The following OR4D9 variants were observed in gnomAD, a reference collection of about 807,000 sequenced individuals.
OR4D9 encodes olfactory receptor 4D9.
In OR4D9, 2 loss-of-function variants were observed where a neutral mutation model predicts 0.8. That is an observed-to-expected ratio of 2.58 (90% CI 1.06 to 8.13). The LOEUF is 8.13. OR4D9 is among the 30% of genes most tolerant of loss of function. The pLI, the probability that OR4D9 is intolerant of heterozygous loss-of-function variation, is 0.04. For missense variants in OR4D9, 399 were observed against 384.7 expected, an observed-to-expected ratio of 1.04 and a Z score of -0.31; for synonymous variants, 146 against 151.2, an observed-to-expected ratio of 0.97 and a Z score of 0.25.
At position 59,515,953 on chromosome 11, in the gene OR4D9, A is replaced by T. The variant is rs372827754; in HGVS notation, c.*96A>T. On this transcript the variant is annotated 3_prime_UTR_variant, in exon 3 of 3. Transcript: ENST00000641962. ...TCATGCCCAAAACAAAGAGATACCT[A>T]TGGCCACCATCGAGTCCTAAAAGAA... is the stretch of plus-strand genomic sequence containing the variant. 1.5e-5 allele frequency: 13 copies of T among 866,530 alleles called. 1 individual carries two copies. The highest frequency in any genetic ancestry group is 5.7e-5 in the Admixed American group (2 of 34,932). 53.7% of individuals were successfully genotyped at this position (866,530 alleles called of 1,614,324 possible).
chr11:59,515,837 GA>G lies in OR4D9; in HGVS notation c.928del (p.Arg310GlyfsTer3), dbSNP rs754147707. 19 of 1,611,822 alleles carry G rather than the reference GA, an allele frequency of 1.2e-5. No homozygotes were observed. The Admixed American group carries it at 2.3e-4, about 20-fold the overall frequency. ...RKLKRRLGQS[E>X]RILIQ Reference sequence around the variant, plus strand: ...ACTGAAGAGACGGCTAGGACAATCAGAAAGGATTTTAATTCAATAAGGGTAA... The same window carrying G: ...ACTGAAGAGACGGCTAGGACAATCAGAAGGATTTTAATTCAATAAGGGTAA... On this transcript the variant is annotated frameshift_variant, in exon 3 of 3. Transcript: ENST00000641962. LOFTEE classifies it high-confidence loss of function.
rs1384154257 is a variant in OR4D9, at chr11:59,515,607, G to A, written c.695G>A (p.Gly232Asp). The A allele has an allele frequency of 1.2e-6, 2 of 1,613,930 alleles. No individual in the cohort carries two copies. The highest frequency in any genetic ancestry group is 1.7e-6 in the Non-Finnish European group (2 of 1,180,022). The stretch of plus-strand genomic sequence containing the variant: ...ATGCTGAGGTCTCACACTGGGGAAG[G>A]CAGGAGGAAAGCCATCTCCACCTGC... ...LMMLRSHTGEGRRKAISTCTS... is the reference protein window; with the variant it reads ...LMMLRSHTGEDRRKAISTCTS... The change falls in exon 3 of 3, where the codon GGC becomes GAC. Residue 232 changes from glycine (G) to aspartate (D), a missense_variant. Transcript: ENST00000641962.
chr11:59,515,655 C>A lies in OR4D9; in HGVS notation c.743C>A (p.Thr248Asn). The change falls in exon 3 of 3, where the codon ACC (threonine) becomes AAC (asparagine). Residue 248 changes from threonine to asparagine, a missense_variant. Physicochemically the swap from Thr to Asn is moderately conservative, Grantham distance 65. Coordinates refer to ENST00000641962, the MANE Select transcript of OR4D9 (RefSeq NM_001004711.2). The stretch of plus-strand genomic sequence containing the variant: ...TGCACCTCCCACATCACCGTGGTGA[C>A]CCTGCATTTCGTGCCCTGCATCTAT... Reference protein sequence around the residue: ...STCTSHITVVTLHFVPCIYVY... With the variant: ...STCTSHITVVNLHFVPCIYVY... 6.2e-7 allele frequency: 1 copy of A among 1,614,154 alleles called. No homozygotes were observed. Among genetic ancestry groups the A allele is most frequent in the Non-Finnish European group, 8.5e-7 (1 of 1,180,026 alleles).
In OR4D9 at chr11:59,515,373, T is replaced by C. The variant is rs1565093904; in HGVS notation, c.461T>C (p.Val154Ala). 6.2e-7 allele frequency: 1 copy of C among 1,614,084 alleles called. No homozygotes were observed. The highest frequency in any genetic ancestry group is 2.2e-5 in the East Asian group (1 of 44,878). Residue 154 changes from valine to alanine, a missense_variant, in exon 3 of 3, where the codon GTC (valine) becomes GCC (alanine). Physicochemically the swap from Val to Ala is moderately conservative, Grantham distance 64. Transcript: ENST00000641962. The stretch of plus-strand genomic sequence containing the variant: ...GTGGCTTCCTGGGTGGGGGGCTTTG[T>C]CCACTCCATAGCGCAGATTTCTCTA... ...LIVASWVGGF[V>A]HSIAQISLLL...
chr11:59,515,465 C>T lies in OR4D9; in HGVS notation c.553C>T (p.Leu185Phe). 1.9e-6 allele frequency: 3 copies of T among 1,614,190 alleles called. No individual in the cohort carries two copies. The South Asian group carries it at 3.3e-5, about 18-fold the overall frequency. Reference protein sequence around the residue: ...DTFYCDVPQVLKLACTDTFTL... With the variant: ...DTFYCDVPQVFKLACTDTFTL... ...TTTCTACTGCGATGTCCCCCAGGTC[C>T]TCAAACTTGCCTGCACTGACACCTT... Residue 185 changes from leucine to phenylalanine, a missense_variant, in exon 3 of 3, where the codon CTC becomes TTC. Leu to Phe is a conservative substitution (Grantham distance 22). Coordinates refer to ENST00000641962, the MANE Select transcript of OR4D9 (RefSeq NM_001004711.2).
intron 1 of OR4D9, among the ~76,000 whole-genome samples, chr11:59,512,739 G>A (rs992999740): frequency 2.0e-5 from 3 of 151,830 alleles, no homozygotes; most frequent in African/African-American, 7.3e-5. Flanking sequence ...GGCTGAGGTG[G>A]GAGGATCAAT....
Position 59,515,269 on chromosome 11 carries a change from G to A in OR4D9, c.357G>A (p.Ala119=), listed in dbSNP as rs373390910. 48 of 1,612,500 alleles carry A rather than the reference G, an allele frequency of 3.0e-5. No homozygotes were observed. The highest frequency in any genetic ancestry group is 5.5e-5 in the South Asian group (5 of 90,886). ...ACGTTTTTTCTCTCTCTGTGATGGC[G>A]TTTGACCGCTATATAGCCATCTCCA... ...GADVFSLSVM[A]FDRYIAISKP... Residue 119 remains alanine (A), a synonymous_variant, in exon 3 of 3, where the codon GCG becomes GCA. Coordinates refer to ENST00000641962, the MANE Select transcript of OR4D9 (RefSeq NM_001004711.2).
In OR4D9 at chr11:59,516,018, C is replaced by T. The variant is rs968650491; in HGVS notation, c.*161C>T. 2 of 601,810 alleles carry T rather than the reference C, an allele frequency of 3.3e-6. No individual in the cohort carries two copies. Among genetic ancestry groups the T allele is most frequent in the African/African-American group, 3.7e-5 (2 of 53,902 alleles). 37.3% of individuals were successfully genotyped at this position (601,810 alleles called of 1,614,324 possible). A position where few individuals can be genotyped will look rare whatever the true frequency, so the allele number is the denominator to read the frequency against. On this transcript the variant is annotated 3_prime_UTR_variant, in exon 3 of 3. Transcript: ENST00000641962. ...TATGTTGGGGACCACGTGGATGATA[C>T]TGCTCTAAGACAAAATCCACTCAAG... is the stretch of plus-strand genomic sequence containing the variant.
chr11:59,515,841 G>A lies in OR4D9; in HGVS notation c.929G>A (p.Arg310Lys), dbSNP rs1859398739. 1 of 1,610,808 alleles carries A rather than the reference G, an allele frequency of 6.2e-7. No individual in the cohort carries two copies. Among genetic ancestry groups the A allele is most frequent in the Non-Finnish European group, 8.5e-7 (1 of 1,177,754 alleles). The change falls in exon 3 of 3, where the codon AGG (arginine) becomes AAG (lysine). Residue 310 changes from arginine (R) to lysine (K), a missense_variant. Transcript: ENST00000641962. ...AAGAGACGGCTAGGACAATCAGAAA[G>A]GATTTTAATTCAATAAGGGTAAGAT... ...KLKRRLGQSE[R>K]ILIQ is the part of the protein sequence containing the mutation.
At chr11:59,512,006 T>C (rs946314535) in intron 1 of OR4D9, among the ~76,000 whole-genome samples, 4 of 152,210 alleles carry the variant, frequency 2.6e-5, no homozygotes, top group Non-Finnish European at 5.9e-5. Context: ...TTGAGTAAGA[T>C]GTTTTAATGA....
chr11:59,520,225 C>A lies in OR4D9; in HGVS notation c.*4368C>A, dbSNP rs1244011975. 6.6e-6 allele frequency: 1 copy of A among 152,030 alleles called. No homozygotes were observed. The allele number at this position is 152,030 out of a possible 1,614,324, so 9.4% of individuals were successfully genotyped here. ...CCTGGGTGACAAAATCATTTGTACACCAAACCCCAGCAACACACAATTTAC... is the reference window on the plus strand; with the variant it reads ...CCTGGGTGACAAAATCATTTGTACAACAAACCCCAGCAACACACAATTTAC... On this transcript the variant is annotated 3_prime_UTR_variant, in exon 3 of 3. Coordinates refer to ENST00000641962, the MANE Select transcript of OR4D9 (RefSeq NM_001004711.2).
chr11:59,515,145 C>T lies in OR4D9; in HGVS notation c.233C>T (p.Ala78Val), dbSNP rs1565093699. 1.2e-6 allele frequency: 2 copies of T among 1,614,096 alleles called. No homozygotes were observed. Among genetic ancestry groups the T allele is most frequent in the South Asian group, 1.1e-5 (1 of 91,082 alleles). Residue 78 changes from alanine to valine, a missense_variant, in exon 3 of 3, where the codon GCT becomes GTT. Transcript: ENST00000641962. ...GACATCTGCTTTTCCTCCATCACAG[C>T]TCCTAAGGTCCTGATAGATCTTCTA... The part of the protein sequence containing the change: ...ILDICFSSIT[A>V]PKVLIDLLSE...
intron 1 of OR4D9, among the ~76,000 whole-genome samples, chr11:59,512,449 C>T (rs577014648): frequency 6.8e-6 from 1 of 146,334 alleles, no homozygotes; most frequent in African/African-American, 2.5e-5. Context: ...TGCACTCCAG[C>T]CTGGGCGACA....
In OR4D9 at chr11:59,517,458, G is replaced by A. The variant is rs925602907; in HGVS notation, c.*1601G>A. 2.0e-5 allele frequency: 3 copies of A among 152,144 alleles called. No individual in the cohort carries two copies. Among genetic ancestry groups the A allele is most frequent in the Admixed American group, 2.0e-4 (3 of 15,272 alleles). 9.4% of individuals were successfully genotyped at this position (152,144 alleles called of 1,614,324 possible). A position where few individuals can be genotyped will look rare whatever the true frequency, so the allele number is the denominator to read the frequency against. On this transcript the variant is annotated 3_prime_UTR_variant, in exon 3 of 3. Transcript: ENST00000641962. ...AAGCCCATGATTTCTGTTGAGGAGAGAGGATCCCCAATTCACTTCAAGGAC... is the reference window on the plus strand; with the variant it reads ...AAGCCCATGATTTCTGTTGAGGAGAAAGGATCCCCAATTCACTTCAAGGAC...
rs1859414595 is a variant in OR4D9, at chr11:59,517,044, G to T, written c.*1187G>T. On this transcript the variant is annotated 3_prime_UTR_variant, in exon 3 of 3. Coordinates refer to ENST00000641962, the MANE Select transcript of OR4D9 (RefSeq NM_001004711.2). ...AGATCACACCACTGTACTCCAGCCTGGGCAACAGAGCAAGACTCTGTCCAA... is the reference window on the plus strand; with the variant it reads ...AGATCACACCACTGTACTCCAGCCTTGGCAACAGAGCAAGACTCTGTCCAA... 6.6e-6 allele frequency: 1 copy of T among 151,944 alleles called. No individual in the cohort carries two copies. Among genetic ancestry groups the T allele is most frequent in the Admixed American group, 6.6e-5 (1 of 15,242 alleles). 9.4% of individuals were successfully genotyped at this position (151,944 alleles called of 1,614,324 possible).
In OR4D9 at chr11:59,518,647, A is replaced by C. The variant is rs2134589057; in HGVS notation, c.*2790A>C. Reference sequence around the variant, plus strand: ...AATGATCCCTCCACTTCAGCCTCCCAAAATGCTAGAATTACAGGCATGAGA... The same window carrying C: ...AATGATCCCTCCACTTCAGCCTCCCCAAATGCTAGAATTACAGGCATGAGA... On this transcript the variant is annotated 3_prime_UTR_variant, in exon 3 of 3. Transcript: ENST00000641962. The C allele has an allele frequency of 6.6e-6, 1 of 152,336 alleles. No homozygotes were observed. The highest frequency in any genetic ancestry group is 1.9e-4 in the East Asian group (1 of 5,188). 9.4% of individuals were successfully genotyped at this position (152,336 alleles called of 1,614,324 possible). A position where few individuals can be genotyped will look rare whatever the true frequency, so the allele number is the denominator to read the frequency against.
At chr11:59,513,344 C>T (rs1339529994) in intron 1 of OR4D9, among the ~76,000 whole-genome samples, 5 of 152,128 alleles carry the variant, frequency 3.3e-5, no homozygotes, top group African/African-American at 4.8e-5. Flanking sequence ...TCACCATGCC[C>T]GGCCAACTCA....
intron 1 of OR4D9, among the ~76,000 whole-genome samples, chr11:59,513,709 G>C (rs1275455099): frequency 6.6e-6 from 1 of 152,126 alleles, no homozygotes; most frequent in Admixed American, 6.5e-5. Context: ...AAAGTAGGAA[G>C]ATCACCCGAG....
Position 59,515,127 on chromosome 11 carries a change from G to C in OR4D9, c.215G>C (p.Cys72Ser), listed in dbSNP as rs776267418. 7.4e-6 allele frequency: 12 copies of C among 1,614,000 alleles called. No homozygotes were observed. The highest frequency in any genetic ancestry group is 1.3e-5 in the African/African-American group (1 of 74,902). ...LLRNLSILDI[C>S]FSSITAPKVL... The stretch of plus-strand genomic sequence containing the variant: ...CGCAACCTGTCTATTCTTGACATCT[G>C]CTTTTCCTCCATCACAGCTCCTAAG... The change falls in exon 3 of 3, where the codon TGC becomes TCC. Residue 72 changes from cysteine to serine, a missense_variant. By Grantham distance (112) the Cys-to-Ser change is moderately radical. Transcript: ENST00000641962.
Sources: gnomAD v4.1 joint callset for allele counts (sites outside exome capture counted in the v4.1 genomes callset) on GRCh38, gnomAD v4.1.1 for gene constraint, MANE v1.5 for transcripts, NCBI Gene and HGNC (gene_info 2026-07-23, HGNC 2026-07-21) for gene names.